AGAP1: variants seen among roughly 807,000 people sequenced by gnomAD.
The protein encoded by AGAP1 is ArfGAP with GTPase domain, ankyrin repeat and PH domain 1.
Under a neutral mutation model 105.3 loss-of-function variants are expected in AGAP1, and 29 were observed. The observed-to-expected ratio is 0.28, with a 90% CI of 0.21 to 0.38. The LOEUF is 0.38. AGAP1 is among the 10% of genes least tolerant of loss of function. The pLI is 1.00. For synonymous variants in AGAP1, 509 were observed against 485.9 expected (o/e 1.05, Z -0.63); for missense variants, 998 against 1,165.1 (o/e 0.86, Z 2.09).
intron 6 of AGAP1, among the ~76,000 whole-genome samples, chr2:235,756,783 A>G (rs1239163720): frequency 6.6e-6 from 1 of 152,046 alleles, no homozygotes; most frequent in Non-Finnish European, 1.5e-5. Flanking sequence ...CATGCGTGAG[A>G]TCTAGGTTAC....
rs1021029320 is a variant in AGAP1 at position 236,062,158 on chromosome 2, G to A, written c.2114+12877G>A. ...TATGTCCAGGGGAGCAAGTGAGCCT[G>A]AATCAGCGATCATCACCACCAGATA... On this transcript the variant is annotated intron_variant, in intron 16 of 17. Coordinates refer to ENST00000304032, the MANE Select transcript of AGAP1 (RefSeq NM_001037131.3). The surrounding 1 kb of genome is among the most constrained non-coding windows in gnomAD (Gnocchi z 4.2). Among the ~76,000 whole-genome samples the A allele has an allele frequency of 6.6e-6, 1 of 152,204 alleles. No individual in the cohort carries two copies. The highest frequency in any genetic ancestry group is 2.4e-5 in the African/African-American group (1 of 41,458).
chr2:235,496,207 A>G (rs1386314871), intron 1 of AGAP1, among the ~76,000 whole-genome samples: 3 of 152,240 alleles, frequency 2.0e-5, no homozygotes, highest in African/African-American at 7.2e-5. Flanking sequence ...CTGGCAGACT[A>G]TACCCTTGGG....
In AGAP1 at chr2:235,631,398, C is replaced by T. The variant is rs951653045; in HGVS notation, c.164-77781C>T. Among the ~76,000 whole-genome samples, 4 of 152,180 alleles carry T rather than the reference C, an allele frequency of 2.6e-5. No homozygotes were observed. Among genetic ancestry groups the T allele is most frequent in the Admixed American group, 6.5e-5 (1 of 15,282 alleles). Reference sequence around the variant, plus strand: ...GTGCGAGCTAGCCAAGGAGAGGCCACGAGGCGGGAGAGCCAAGGAGGACAG... The same window carrying T: ...GTGCGAGCTAGCCAAGGAGAGGCCATGAGGCGGGAGAGCCAAGGAGGACAG... On this transcript the variant is annotated intron_variant, in intron 1 of 17. Transcript: ENST00000304032. The surrounding 1 kb of genome is among the most constrained non-coding windows in gnomAD (Gnocchi z 5.4).
In AGAP1 at chr2:235,574,748, C is replaced by T. The variant is rs1031258098; in HGVS notation, c.163+79899C>T. 3.9e-5 allele frequency among the ~76,000 whole-genome samples: 6 copies of T among 152,020 alleles called. No individual in the cohort carries two copies. The highest frequency in any genetic ancestry group is 7.3e-5 in the African/African-American group (3 of 41,368). On this transcript the variant is annotated intron_variant, in intron 1 of 17. Transcript: ENST00000304032. This position sits in a 1 kb window ranked among gnomAD's most constrained non-coding sequence, Gnocchi z 5.0. ...ACCAAGTACACCAGGAGGGAATGAA[C>T]GAGAAAAATAAAAGAAAGAAAATCA... is the stretch of plus-strand genomic sequence containing the variant.
chr2:235,655,627 G>A lies in AGAP1; in HGVS notation c.164-53552G>A, dbSNP rs535889478. Among the ~76,000 whole-genome samples the A allele has an allele frequency of 1.1e-3, 166 of 152,324 alleles. 4 individuals carry two copies. The highest frequency in any genetic ancestry group is 0.011 in the Admixed American group (165 of 15,308). ...GTGAAAACGTTTCTCTAGCAAGGCT[G>A]CCTGTGAGTGGGATCCCAGGCCAAG... On this transcript the variant is annotated intron_variant, in intron 1 of 17. Transcript: ENST00000304032. This position sits in a 1 kb window ranked among gnomAD's most constrained non-coding sequence, Gnocchi z 4.3.
At position 235,791,513 on chromosome 2, in the gene AGAP1, G is replaced by T. The variant is rs750834978; in HGVS notation, c.674-6246G>T. 4.6e-5 allele frequency among the ~76,000 whole-genome samples: 7 copies of T among 152,028 alleles called. 1 individual carries two copies. The South Asian group carries it at 1.5e-3, about 32-fold the overall frequency. ...GTCCAAACTCCTGACGCACAGAATC[G>T]TGATAAACAATAAGATGGCACGTTG... is the stretch of plus-strand genomic sequence containing the variant. On this transcript the variant is annotated intron_variant, in intron 6 of 17. Coordinates refer to ENST00000304032, the MANE Select transcript of AGAP1 (RefSeq NM_001037131.3).
chr2:235,765,321 CTG>C (rs1954852271), intron 6 of AGAP1, among the ~76,000 whole-genome samples: 2 of 151,636 alleles, frequency 1.3e-5, no homozygotes, highest in South Asian at 4.2e-4. Flanking sequence ...CTGGGAGTGT[CTG>C]TGGGATGGGG....
At chr2:235,758,442 G>A (rs986366294) in intron 6 of AGAP1, among the ~76,000 whole-genome samples, 4 of 152,080 alleles carry the variant, frequency 2.6e-5, no homozygotes, top group Admixed American at 2.0e-4. Context: ...GGTGTCAGGC[G>A]AGGCCATCAT....
Position 235,577,129 on chromosome 2 carries a change from C to T in AGAP1, c.163+82280C>T, listed in dbSNP as rs1212554120. ...GTGGAAGTAGAATGCCAGCCACATACGTCATTTAAAGTTTTCTACTAGCTA... is the reference window on the plus strand; with the variant it reads ...GTGGAAGTAGAATGCCAGCCACATATGTCATTTAAAGTTTTCTACTAGCTA... On this transcript the variant is annotated intron_variant, in intron 1 of 17. Transcript: ENST00000304032. This position sits in a 1 kb window ranked among gnomAD's most constrained non-coding sequence, Gnocchi z 4.5. Among the ~76,000 whole-genome samples the T allele has an allele frequency of 1.3e-5, 2 of 152,042 alleles. No individual in the cohort carries two copies. The highest frequency in any genetic ancestry group is 2.4e-5 in the African/African-American group (1 of 41,390).
chr2:235,817,155 C>A (rs955868064), intron 9 of AGAP1, among the ~76,000 whole-genome samples: 1 of 152,094 alleles, frequency 6.6e-6, no homozygotes, highest in Non-Finnish European at 1.5e-5. Flanking sequence ...AAACAGCAAC[C>A]GTGGAACTTA....
intron 7 of AGAP1, among the ~76,000 whole-genome samples, chr2:235,798,870 C>CAAAAA (rs1041317180): frequency 8.2e-5 from 4 of 48,988 alleles, no homozygotes; most frequent in African/African-American, 1.2e-4. Flanking sequence ...GACCCTGTCT[C>CAAAAA]AAAAAAAAAA....
Position 235,582,497 on chromosome 2 carries a change from C to T in AGAP1, c.163+87648C>T, listed in dbSNP as rs951905086. On this transcript the variant is annotated intron_variant, in intron 1 of 17. Coordinates refer to ENST00000304032, the MANE Select transcript of AGAP1 (RefSeq NM_001037131.3). The surrounding 1 kb of genome is among the most constrained non-coding windows in gnomAD (Gnocchi z 4.7). The stretch of plus-strand genomic sequence containing the variant: ...TTGATGAAGCCCTCTTGAGTCAGAT[C>T]GTGGGGTTGGTTGGTCATGCGTGTA... Among the ~76,000 whole-genome samples, 2 of 152,060 alleles carry T rather than the reference C, an allele frequency of 1.3e-5. No individual in the cohort carries two copies. Among genetic ancestry groups the T allele is most frequent in the Admixed American group, 6.6e-5 (1 of 15,266 alleles).
rs1946105727 is a variant in AGAP1, at chr2:235,610,949, AG to A, written c.164-98228del. On this transcript the variant is annotated intron_variant, in intron 1 of 17. Transcript: ENST00000304032. The surrounding 1 kb of genome is among the most constrained non-coding windows in gnomAD (Gnocchi z 4.9). ...CAGCCCCTCTGAAGAGCGGCCCAGT[AG>A]GATGGTTGACTGACGTTAGCTTGGC... is the stretch of plus-strand genomic sequence containing the variant. 6.6e-6 allele frequency among the ~76,000 whole-genome samples: 1 copy of A among 151,982 alleles called. No homozygotes were observed. Among genetic ancestry groups the A allele is most frequent in the Admixed American group, 6.6e-5 (1 of 15,258 alleles).
Position 235,842,315 on chromosome 2 carries a change from A to G in AGAP1, c.1050+34984A>G, listed in dbSNP as rs1960958172. ...TAACGTTTCCTTCAGATATGAATGT[A>G]GGCAACGATCCACAGTGGTGTTTTG... On this transcript the variant is annotated intron_variant, in intron 9 of 17. Transcript: ENST00000304032. This position sits in a 1 kb window ranked among gnomAD's most constrained non-coding sequence, Gnocchi z 5.3. 6.6e-6 allele frequency among the ~76,000 whole-genome samples: 1 copy of G among 152,232 alleles called. No homozygotes were observed. Among genetic ancestry groups the G allele is most frequent in the Admixed American group, 6.5e-5 (1 of 15,288 alleles).
intron 1 of AGAP1, among the ~76,000 whole-genome samples, chr2:235,538,741 C>A (rs1181048562): frequency 6.6e-6 from 1 of 152,040 alleles, no homozygotes; most frequent in Non-Finnish European, 1.5e-5. Context: ...CTTGAACTTT[C>A]CTTTTTGAGG....
In AGAP1 at chr2:236,042,976, G is replaced by A. The variant is rs2057599469; in HGVS notation, c.1891+2135G>A. Among the ~76,000 whole-genome samples, 1 of 152,242 alleles carries A rather than the reference G, an allele frequency of 6.6e-6. No homozygotes were observed. Among genetic ancestry groups the A allele is most frequent in the African/African-American group, 2.4e-5 (1 of 41,458 alleles). Reference sequence around the variant, plus strand: ...TTAAAGGGGAGGAATTGAGGAGCCTGAAGGGTCAAGTCATTTGTCTGAGGT... The same window carrying A: ...TTAAAGGGGAGGAATTGAGGAGCCTAAAGGGTCAAGTCATTTGTCTGAGGT... On this transcript the variant is annotated intron_variant, in intron 15 of 17. Coordinates refer to ENST00000304032, the MANE Select transcript of AGAP1 (RefSeq NM_001037131.3). The surrounding 1 kb of genome is among the most constrained non-coding windows in gnomAD (Gnocchi z 5.6).
rs150930206 is a variant in AGAP1, at chr2:236,070,296, A to G, written c.2114+21015A>G. 2.2e-3 allele frequency among the ~76,000 whole-genome samples: 337 copies of G among 152,370 alleles called. 1 individual carries two copies. Among genetic ancestry groups the G allele is most frequent in the African/African-American group, 7.7e-3 (321 of 41,598 alleles). On this transcript the variant is annotated intron_variant, in intron 16 of 17. Coordinates refer to ENST00000304032, the MANE Select transcript of AGAP1 (RefSeq NM_001037131.3). ...GTCCGGACACCATGCTCACCTACCC[A>G]GATGAATGAGAAAGAGCAGCATTGA...
intron 12 of AGAP1, 123 bp from the exon 13 acceptor site, chr2:235,968,339 T>G: frequency 3.2e-6 from 4 of 1,248,614 alleles, no homozygotes; most frequent in Non-Finnish European, 4.3e-6. Flanking sequence ...AGTAATGGGA[T>G]GTTATTTGCA....
intron 1 of AGAP1, among the ~76,000 whole-genome samples, chr2:235,521,754 G>A (rs770540401): frequency 9.3e-4 from 141 of 151,108 alleles, no homozygotes; most frequent in Non-Finnish European, 1.4e-3. Context: ...GTGTGTGTGT[G>A]TGTGTGTGTG....
Sources: allele counts gnomAD v4.1 joint callset (sites outside exome capture counted in the v4.1 genomes callset), GRCh38; gene constraint gnomAD v4.1.1; non-coding constraint Gnocchi (gnomAD v3.1); transcripts MANE v1.5; gene names NCBI Gene and HGNC (gene_info 2026-07-23, HGNC 2026-07-21).